FSTL4: variants seen among roughly 807,000 people sequenced by gnomAD.
FSTL4 encodes the protein follistatin like 4.
FSTL4 carries 28 observed loss-of-function variants against 78.2 expected under a neutral mutation model. That is an observed-to-expected ratio of 0.36 (90% confidence interval 0.27 to 0.49). The LOEUF is 0.49. Among genes scored for constraint, FSTL4 ranks in the 20% least tolerant of loss-of-function variants. The probability of loss-of-function intolerance (pLI) is 0.98; values close to 1 mark genes in which losing one functional copy is unlikely to be tolerated. For synonymous variants in FSTL4, 422 were observed against 440.5 expected (o/e 0.96, Z 0.53); for missense variants, 922 against 1,084.9 (o/e 0.85, Z 2.11).
rs146479098 is a variant in FSTL4, at chr5:133,258,332, T to C, written c.728-8756A>G. Among the ~76,000 whole-genome samples, 141 of 152,332 alleles carry C rather than the reference T, an allele frequency of 9.3e-4. 2 individuals carry two copies. The East Asian group carries it at 0.02, about 22-fold the overall frequency. ...CTGTGAGGGTGTTTCTGGATGAGATTGACATTTGAATCAGTAGACTGAGTA... is the reference window on the plus strand; with the variant it reads ...CTGTGAGGGTGTTTCTGGATGAGATCGACATTTGAATCAGTAGACTGAGTA... On this transcript the variant is annotated intron_variant, in intron 6 of 15. Transcript: ENST00000265342.
chr5:133,397,340 C>T (rs1255583120), intron 4 of FSTL4, among the ~76,000 whole-genome samples: 1 of 152,236 alleles, frequency 6.6e-6, no homozygotes, highest in African/African-American at 2.4e-5. Flanking sequence ...AGAGATACAT[C>T]TTTCCCACAC....
chr5:133,763,861 A>C, the FSTL4 span, among the ~76,000 whole-genome samples: 1 of 152,186 alleles, frequency 6.6e-6, no homozygotes, highest in African/African-American at 2.4e-5. Context: ...TGCCTTGTTC[A>C]GGCAGCCCCT....
the FSTL4 span, among the ~76,000 whole-genome samples, chr5:133,787,602 T>C: frequency 0.53 from 73,834 of 138,320 alleles, 19,822 homozygotes; most frequent in Middle Eastern, 0.7. Context: ...TCCTGAGGCC[T>C]GCACTCCACT....
the FSTL4 span, among the ~76,000 whole-genome samples, chr5:133,750,518 C>T: frequency 6.6e-6 from 1 of 152,260 alleles, no homozygotes; most frequent in East Asian, 1.9e-4. Flanking sequence ...TTGGGACCAG[C>T]AGGAGCATCA....
chr5:133,457,629 C>T (rs150273237), intron 3 of FSTL4, among the ~76,000 whole-genome samples: 35 of 152,328 alleles, frequency 2.3e-4, no homozygotes, highest in African/African-American at 7.7e-4. Flanking sequence ...GCCAAGGCAG[C>T]GGGGCCAATC....
chr5:133,286,887 G>A (rs1753141998), intron 6 of FSTL4, among the ~76,000 whole-genome samples: 2 of 152,126 alleles, frequency 1.3e-5, no homozygotes, highest in South Asian at 4.1e-4. Context: ...CTCTCCATGG[G>A]GCTTGAATGG....
chr5:133,675,412 T>C, the FSTL4 span, among the ~76,000 whole-genome samples: 30 of 152,244 alleles, frequency 2.0e-4, no homozygotes, highest in African/African-American at 6.8e-4. Flanking sequence ...TTGCTACCGA[T>C]GGCCTAGTGT....
chr5:133,262,117 C>G lies in FSTL4; in HGVS notation c.728-12541G>C, dbSNP rs574806033. Reference sequence around the variant, plus strand: ...GCACCCCCTATGCTTGAATAAACTGCGCTCTACCTGCCACTAGGCTTTTCC... The same window carrying G: ...GCACCCCCTATGCTTGAATAAACTGGGCTCTACCTGCCACTAGGCTTTTCC... On this transcript the variant is annotated intron_variant, in intron 6 of 15. Coordinates refer to ENST00000265342, the MANE Select transcript of FSTL4 (RefSeq NM_015082.2). 1.5e-3 allele frequency among the ~76,000 whole-genome samples: 231 copies of G among 152,286 alleles called. 2 individuals carry two copies. The highest frequency in any genetic ancestry group is 5.4e-3 in the African/African-American group (226 of 41,540).
intron 6 of FSTL4, among the ~76,000 whole-genome samples, chr5:133,311,413 G>C (rs1478791951): frequency 1.3e-5 from 2 of 152,204 alleles, no homozygotes; most frequent in African/African-American, 4.8e-5. Flanking sequence ...GTGGACTTTG[G>C]TACTAAGGAT....
chr5:133,545,206 T>C (rs1759551661), intron 3 of FSTL4, among the ~76,000 whole-genome samples: 1 of 152,008 alleles, frequency 6.6e-6, no homozygotes, highest in Non-Finnish European at 1.5e-5. Flanking sequence ...CCATATATGG[T>C]TTGAGAGTGC....
chr5:133,343,631 G>T (rs918689227), intron 4 of FSTL4, among the ~76,000 whole-genome samples: 12 of 152,190 alleles, frequency 7.9e-5, no homozygotes, highest in Non-Finnish European at 1.5e-4. Flanking sequence ...TTATAGCCGG[G>T]GGCTGTGGTT....
At chr5:133,668,037 GT>G in the FSTL4 span, among the ~76,000 whole-genome samples, 1 of 152,258 alleles carries the variant, frequency 6.6e-6, no homozygotes, top group Non-Finnish European at 1.5e-5. Context: ...GATTGAACCA[GT>G]GGCTGCCCCA....
At chr5:133,732,804 C>T in the FSTL4 span, among the ~76,000 whole-genome samples, 3,199 of 152,272 alleles carry the variant, frequency 0.021, 117 homozygotes, top group African/African-American at 0.072. Context: ...GCTCTCCATC[C>T]CCACTTCCAG....
the FSTL4 span, among the ~76,000 whole-genome samples, chr5:133,773,442 G>A: frequency 6.6e-6 from 1 of 152,176 alleles, no homozygotes; most frequent in African/African-American, 2.4e-5. Context: ...CCAACAGGAG[G>A]CACCAGGTGA....
intron 3 of FSTL4, among the ~76,000 whole-genome samples, chr5:133,547,373 C>A (rs779599948): frequency 1.4e-4 from 21 of 152,146 alleles, no homozygotes; most frequent in Non-Finnish European, 2.4e-4. Flanking sequence ...TGTGCTGGAA[C>A]AAGTTAAGAC....
At chr5:133,645,387 G>A in the FSTL4 span, among the ~76,000 whole-genome samples, 3 of 152,262 alleles carry the variant, frequency 2.0e-5, no homozygotes, top group East Asian at 5.8e-4. Flanking sequence ...GATGCAGGAT[G>A]GCAAGCACCT....
At chr5:133,837,966 C>A in the FSTL4 span, among the ~76,000 whole-genome samples, 1 of 152,184 alleles carries the variant, frequency 6.6e-6, no homozygotes, top group Non-Finnish European at 1.5e-5. Context: ...CGGCTCACTG[C>A]AGCCTCTGTC....
intron 3 of FSTL4, among the ~76,000 whole-genome samples, chr5:133,403,828 G>C (rs1216590035): frequency 6.6e-6 from 1 of 152,128 alleles, no homozygotes; most frequent in Non-Finnish European, 1.5e-5. Flanking sequence ...ATGGGGGGCT[G>C]GGGGGAGAAG....
the FSTL4 span, among the ~76,000 whole-genome samples, chr5:133,781,639 C>T: frequency 1.6e-3 from 237 of 152,312 alleles, no homozygotes; most frequent in African/African-American, 5.2e-3. Flanking sequence ...GGGAACCCTC[C>T]GAACTGGTGA....
Sources: allele counts gnomAD v4.1 joint callset (sites outside exome capture counted in the v4.1 genomes callset), GRCh38; gene constraint gnomAD v4.1.1; transcripts MANE v1.5; gene names NCBI Gene and HGNC (gene_info 2026-07-23, HGNC 2026-07-21).